OTUD4: variants seen among roughly 807,000 people sequenced by gnomAD.
OTUD4 encodes OTU deubiquitinase 4.
In OTUD4, 24 loss-of-function variants were observed where a neutral mutation model predicts 130.4. That is an observed-to-expected ratio of 0.18 (90% CI 0.13 to 0.26). The LOEUF is 0.26. Among genes scored for constraint, OTUD4 ranks in the 10% least tolerant of loss-of-function variants. OTUD4 has a pLI of 1.00. For missense variants in OTUD4, 1,031 were observed against 1,329.4 expected, an observed-to-expected ratio of 0.78 and a Z score of 3.49; for synonymous variants, 420 against 472.5, an observed-to-expected ratio of 0.89 and a Z score of 1.44.
rs1429241173 is a variant in OTUD4, at chr4:145,176,505, G to A, written c.160-1761C>T. On this transcript the variant is annotated intron_variant, in intron 1 of 20. Transcript: ENST00000447906. ...GTTTGAGACTAGCCTGGTCAACATGGTGAAAACCCCATCTCTACTAAAAAA... is the reference window on the plus strand; with the variant it reads ...GTTTGAGACTAGCCTGGTCAACATGATGAAAACCCCATCTCTACTAAAAAA... 2.0e-5 allele frequency among the ~76,000 whole-genome samples: 3 copies of A among 150,030 alleles called. No individual in the cohort carries two copies. In the East Asian group the frequency reaches 5.9e-4, roughly 30 times the overall value.
In OTUD4 at chr4:145,143,481, C is replaced by T; in HGVS notation, c.1603-36G>A. 3 of 1,226,182 alleles carry T rather than the reference C, an allele frequency of 2.4e-6. No homozygotes were observed. The Admixed American group carries it at 5.2e-5, about 21-fold the overall frequency. The allele number at this position is 1,226,182 out of a possible 1,614,324, so 76.0% of individuals were successfully genotyped here. ...AAAAAAGAAGCAAAGTTTTGTATTTCAGAGACCCACATTCTGGAATATTGA... is the reference window on the plus strand; with the variant it reads ...AAAAAAGAAGCAAAGTTTTGTATTTTAGAGACCCACATTCTGGAATATTGA... On this transcript the variant is annotated intron_variant, in intron 16 of 20. Coordinates refer to ENST00000447906, the MANE Select transcript of OTUD4 (RefSeq NM_001366057.1).
chr4:145,146,000 GT>G (rs1750803019), intron 14 of OTUD4: 1 of 233,718 alleles, frequency 4.3e-6, no homozygotes, highest in African/African-American at 2.3e-5. Context: ...ACACATTTTA[GT>G]TCAAAAGAAA....
At chr4:145,147,855 G>A (rs1313266729) in intron 13 of OTUD4, among the ~76,000 whole-genome samples, 1 of 152,122 alleles carries the variant, frequency 6.6e-6, no homozygotes. Context: ...ACTGTACTGG[G>A]CTTAAATCAA....
rs1750600320 is a variant in OTUD4, at chr4:145,142,271, G to C, written c.1747C>G (p.Leu583Val). 6.2e-7 allele frequency: 1 copy of C among 1,613,804 alleles called. No homozygotes were observed. The highest frequency in any genetic ancestry group is 8.5e-7 in the Non-Finnish European group (1 of 1,179,672). Residue 583 changes from leucine to valine, a missense_variant, in exon 18 of 21, where the codon CTA (leucine) becomes GTA (valine). Physicochemically the swap from Leu to Val is conservative, Grantham distance 32. This residue lies in a region of OTUD4 where 900 missense variants were observed against 1,095.9 expected (regional missense o/e 0.82). Transcript: ENST00000447906. ...APLLVSPEVH[L>V]TPAVPSLPAT... ...GGTAAAGAAGGCACCGCAGGAGTTA[G>C]ATGTACCTCTGGAGAAACTAGAAGG...
rs1750553733 is a variant in OTUD4 at position 145,141,344 on chromosome 4, G to T, written c.2083+35C>A. ...TTCTTAACTAAGCTTATTTGGACTT[G>T]ATAAAGTCGATTTGAACTTGGAGAA... On this transcript the variant is annotated intron_variant, in intron 19 of 20. Coordinates refer to ENST00000447906, the MANE Select transcript of OTUD4 (RefSeq NM_001366057.1). 4 of 1,539,072 alleles carry T rather than the reference G, an allele frequency of 2.6e-6. No individual in the cohort carries two copies. In the South Asian group the frequency reaches 3.9e-5, roughly 15 times the overall value.
chr4:145,157,414 C>T lies in OTUD4; in HGVS notation c.630-1418G>A, dbSNP rs144305023. Among the ~76,000 whole-genome samples the T allele has an allele frequency of 2.4e-3, 369 of 152,236 alleles. 1 individual carries two copies. The highest frequency in any genetic ancestry group is 7.0e-3 in the South Asian group (34 of 4,832). Reference sequence around the variant, plus strand: ...GATCTGATGGTCTTACAAAAAAGGCCGCAGAGGCTCACGCCTGTAATCCCA... The same window carrying T: ...GATCTGATGGTCTTACAAAAAAGGCTGCAGAGGCTCACGCCTGTAATCCCA... On this transcript the variant is annotated intron_variant, in intron 7 of 20. Coordinates refer to ENST00000447906, the MANE Select transcript of OTUD4 (RefSeq NM_001366057.1).
rs1310535915 is a variant in OTUD4 at position 145,140,670 on chromosome 4, A to G, written c.2084-679T>C. Among the ~76,000 whole-genome samples the G allele has an allele frequency of 5.9e-5, 9 of 152,294 alleles. No homozygotes were observed. In the East Asian group the frequency reaches 1.3e-3, roughly 23 times the overall value. Reference sequence around the variant, plus strand: ...AGTACTTTAACAGCCACTACATACTATATTTGCTTTTCTCTGTAACTTTTT... The same window carrying G: ...AGTACTTTAACAGCCACTACATACTGTATTTGCTTTTCTCTGTAACTTTTT... On this transcript the variant is annotated intron_variant, in intron 19 of 20. Coordinates refer to ENST00000447906, the MANE Select transcript of OTUD4 (RefSeq NM_001366057.1).
At chr4:145,160,131 T>C (rs1172078725) in intron 6 of OTUD4, among the ~76,000 whole-genome samples, 1 of 152,222 alleles carries the variant, frequency 6.6e-6, no homozygotes, top group Non-Finnish European at 1.5e-5. Flanking sequence ...TTAAGATTGC[T>C]AGAAAGAGGA....
At chr4:145,146,531 T>C in intron 13 of OTUD4, 102 bp from the exon 14 acceptor site, 1 of 666,198 alleles carries the variant, frequency 1.5e-6, no homozygotes. Context: ...CTGTACTGAG[T>C]ACCTAAAATA....
At chr4:145,159,290 C>T in intron 7 of OTUD4, 1 of 1,356,212 alleles carries the variant, frequency 7.4e-7, no homozygotes, top group Non-Finnish European at 9.5e-7. Context: ...TCTCATCAAC[C>T]AAAAACACCA....
At chr4:145,148,768 T>C (rs769795528) in intron 13 of OTUD4, among the ~76,000 whole-genome samples, 7 of 152,240 alleles carry the variant, frequency 4.6e-5, no homozygotes, top group Admixed American at 1.3e-4. Context: ...AAACAATTAC[T>C]TTCTGCCTAT....
chr4:145,141,370 G>A lies in OTUD4; in HGVS notation c.2083+9C>T. On this transcript the variant is annotated intron_variant, in intron 19 of 20. Coordinates refer to ENST00000447906, the MANE Select transcript of OTUD4 (RefSeq NM_001366057.1). ...ATAAAGTCGATTTGAACTTGGAGAA[G>A]GAGCTCACCTTTAGGTAGGTCCTCC... 6.4e-7 allele frequency: 1 copy of A among 1,565,582 alleles called. No individual in the cohort carries two copies. Among genetic ancestry groups the A allele is most frequent in the Non-Finnish European group, 8.6e-7 (1 of 1,156,682 alleles).
intron 7 of OTUD4, among the ~76,000 whole-genome samples, chr4:145,157,793 A>G (rs1160893712): frequency 6.6e-6 from 1 of 152,096 alleles, no homozygotes; most frequent in Non-Finnish European, 1.5e-5. Context: ...AATAGTGAAC[A>G]CATCTTCTTA....
At chr4:145,161,071 C>A (rs771426609) in intron 6 of OTUD4, among the ~76,000 whole-genome samples, 1 of 152,118 alleles carries the variant, frequency 6.6e-6, no homozygotes, top group South Asian at 2.1e-4. Context: ...GATTGTGCCA[C>A]TGCACTCCAG....
At chr4:145,143,263 C>G in intron 17 of OTUD4, 102 bp downstream of exon 17, 2 of 617,356 alleles carry the variant, frequency 3.2e-6, no homozygotes, top group Non-Finnish European at 5.5e-6. Flanking sequence ...AAAATTCTCC[C>G]ATTTCCCATA....
At chr4:145,150,966 C>A in intron 11 of OTUD4, 61 bp from the exon 12 acceptor site, 1 of 972,750 alleles carries the variant, frequency 1.0e-6, no homozygotes, top group South Asian at 2.0e-5. Context: ...GTTAAATATT[C>A]TGCATATTTA....
intron 8 of OTUD4, 42 bp downstream of exon 8, chr4:145,155,889 TTCTTA>T: frequency 7.0e-7 from 1 of 1,435,996 alleles, no homozygotes; most frequent in East Asian, 2.3e-5. Flanking sequence ...TGTACATGCT[TTCTTA>T]TATTAAAGAA....
chr4:145,166,078 T>C (rs974412120), intron 3 of OTUD4, among the ~76,000 whole-genome samples: 5 of 151,688 alleles, frequency 3.3e-5, no homozygotes, highest in African/African-American at 1.2e-4. Context: ...GGAGAATCGC[T>C]TGAACCCAGG....
In OTUD4 at chr4:145,136,403, T is replaced by C. The variant is rs1284715707; in HGVS notation, c.*1027A>G. 1 of 128,290 alleles carries C rather than the reference T, an allele frequency of 7.8e-6. No individual in the cohort carries two copies. Among genetic ancestry groups the C allele is most frequent in the East Asian group, 2.3e-4 (1 of 4,344 alleles). 7.9% of individuals were successfully genotyped at this position (128,290 alleles called of 1,614,324 possible). On this transcript the variant is annotated 3_prime_UTR_variant, in exon 21 of 21. Transcript: ENST00000447906. ...ATCATATTATCTTCTATACAATAGT[T>C]CCAGCCCTGACAAGTAGAACATGCA...
Sources: allele counts gnomAD v4.1 joint callset (sites outside exome capture counted in the v4.1 genomes callset), GRCh38; gene constraint gnomAD v4.1.1; regional missense constraint gnomAD v4.1.1; transcripts MANE v1.5; gene names NCBI Gene and HGNC (gene_info 2026-07-23, HGNC 2026-07-21).